CASD1: variants seen among roughly 807,000 people sequenced by gnomAD.
The protein encoded by CASD1 is CAS1 domain sialic acid O acetyltransferase 1.
A neutral mutation model predicts 100.0 loss-of-function variants in CASD1; 41 were observed. The ratio of observed to expected loss-of-function variants is 0.41; its 90% CI spans 0.32 to 0.53. The LOEUF (loss-of-function observed/expected upper bound fraction) is 0.53. CASD1 is among the 20% of genes least tolerant of loss of function. The pLI, the probability that CASD1 is intolerant of heterozygous loss-of-function variation, is 0.25. For synonymous variants in CASD1, 321 were observed against 315.6 expected (o/e 1.02, Z -0.18); for missense variants, 774 against 948.7 (o/e 0.82, Z 2.42).
chr7:94,539,142 T>C (rs1360684639), intron 10 of CASD1, 86 bp downstream of exon 10: 6 of 686,298 alleles, frequency 8.7e-6, no homozygotes, highest in Admixed American at 7.7e-5. Flanking sequence ...TTTTGTGTTT[T>C]ATAATCTCTA....
the CASD1 span, among the ~76,000 whole-genome samples, chr7:94,601,443 C>CAAAAAAAAAAAAAAAAAAAAAAAA: frequency 2.2e-5 from 2 of 89,356 alleles, no homozygotes; most frequent in Non-Finnish European, 4.1e-5. Context: ...ATCCCAGTAT[C>CAAAAAAAAAAAAAAAAAAAAAAAA]AAAAAAAAAA....
downstream of CASD1, chr7:94,557,103 G>A (rs1352887182): frequency 6.6e-6 from 1 of 152,016 alleles, no homozygotes; most frequent in Non-Finnish European, 1.5e-5. Context: ...ATATGTAGGG[G>A]TAGGTTACCA....
the CASD1 span, chr7:94,598,848 T>C: frequency 6.2e-7 from 1 of 1,613,298 alleles, no homozygotes; most frequent in Non-Finnish European, 8.5e-7. Flanking sequence ...ATTTCCCCAG[T>C]CACAGGGTGG....
intron 9 of CASD1, among the ~76,000 whole-genome samples, chr7:94,538,541 A>G (rs768374901): frequency 9.9e-5 from 15 of 152,152 alleles, no homozygotes; most frequent in Non-Finnish European, 1.8e-4. Context: ...GTAAACTGTA[A>G]TAATAGAGCT....
rs1166440377 is a variant in CASD1, at chr7:94,509,984, G to T, written c.-101G>T. 1.6e-6 allele frequency: 2 copies of T among 1,243,126 alleles called. No homozygotes were observed. Among genetic ancestry groups the T allele is most frequent in the African/African-American group, 1.6e-5 (1 of 63,818 alleles). The allele number at this position is 1,243,126 out of a possible 1,614,324, so 77.0% of individuals were successfully genotyped here. ...GCAGGTGGCGGCCTGGGGAGCTGGC[G>T]GCCGCTCCTCGCCTGGCTGCAGCGG... On this transcript the variant is annotated 5_prime_UTR_variant, in exon 1 of 18. Coordinates refer to ENST00000297273, the MANE Select transcript of CASD1 (RefSeq NM_022900.5).
chr7:94,595,229 G>T, the CASD1 span, among the ~76,000 whole-genome samples: 1 of 152,116 alleles, frequency 6.6e-6, no homozygotes, highest in Non-Finnish European at 1.5e-5. Flanking sequence ...ATTGATAATG[G>T]TGGCAGCCAT....
rs113876181 is a variant in CASD1, at chr7:94,513,801, T to C, written c.133+3584T>C. Among the ~76,000 whole-genome samples, 11 of 152,360 alleles carry C rather than the reference T, an allele frequency of 7.2e-5. 1 individual carries two copies. The highest frequency in any genetic ancestry group is 2.6e-4 in the African/African-American group (11 of 41,596). Reference sequence around the variant, plus strand: ...TAGATTTCAAAGTCCTTATTTCCTTTTATGTTCTTTTGTGGCTTTAATTGA... The same window carrying C: ...TAGATTTCAAAGTCCTTATTTCCTTCTATGTTCTTTTGTGGCTTTAATTGA... On this transcript the variant is annotated intron_variant, in intron 1 of 17. Transcript: ENST00000297273.
chr7:94,628,273 T>C, the CASD1 span: 4 of 1,611,640 alleles, frequency 2.5e-6, no homozygotes, highest in East Asian at 2.2e-5. Flanking sequence ...CTATATGGTG[T>C]CCTTTGGATA....
intron 3 of CASD1, among the ~76,000 whole-genome samples, chr7:94,524,620 G>A (rs908552775): frequency 6.6e-6 from 1 of 152,058 alleles, no homozygotes; most frequent in African/African-American, 2.4e-5. Context: ...ATGGCCTATG[G>A]ATCTATGGAA....
the CASD1 span, among the ~76,000 whole-genome samples, chr7:94,586,090 A>G: frequency 6.7e-6 from 1 of 150,264 alleles, no homozygotes; most frequent in Non-Finnish European, 1.5e-5. Flanking sequence ...AAAAAAAACA[A>G]CAACTTCAAG....
At chr7:94,563,674 C>T in the CASD1 span, among the ~76,000 whole-genome samples, 1 of 151,952 alleles carries the variant, frequency 6.6e-6, no homozygotes, top group African/African-American at 2.4e-5. Flanking sequence ...TTTAGCCCCC[C>T]TCCCCCACGC....
chr7:94,533,670 TC>T lies in CASD1; in HGVS notation c.505-8del, dbSNP rs778782759. 2 of 1,586,092 alleles carry T rather than the reference TC, an allele frequency of 1.3e-6. No homozygotes were observed. Among genetic ancestry groups the T allele is most frequent in the South Asian group, 2.3e-5 (2 of 85,688 alleles). ...ACTAAATTAATGCATAATTTGTACT[TC>T]TTTTTAGTGGTCCATCAAGATTCAC... On this transcript the variant is annotated splice_region_variant and splice_polypyrimidine_tract_variant and intron_variant, in intron 6 of 17. Coordinates refer to ENST00000297273, the MANE Select transcript of CASD1 (RefSeq NM_022900.5).
chr7:94,520,499 A>C (rs1053122605), intron 3 of CASD1, among the ~76,000 whole-genome samples: 5 of 152,212 alleles, frequency 3.3e-5, no homozygotes, highest in Non-Finnish European at 7.3e-5. Context: ...GCAGAGCTAG[A>C]TATCGTATCT....
chr7:94,545,642 T>TC lies in CASD1; in HGVS notation c.1575dup (p.Met526HisfsTer50). On this transcript the variant is annotated frameshift_variant, in exon 12 of 18. Coordinates refer to ENST00000297273, the MANE Select transcript of CASD1 (RefSeq NM_022900.5). LOFTEE classifies it high-confidence loss of function. ...TTTGTCCCCTTGGTCACTGTATGGT[T>TC]CATGGTCATATATGTTACTTTAGCA... 2 of 1,611,136 alleles carry TC rather than the reference T, an allele frequency of 1.2e-6. No homozygotes were observed. The highest frequency in any genetic ancestry group is 1.7e-6 in the Non-Finnish European group (2 of 1,177,918).
the CASD1 span, among the ~76,000 whole-genome samples, chr7:94,584,238 A>G: frequency 2.0e-5 from 3 of 152,224 alleles, no homozygotes; most frequent in Admixed American, 2.0e-4. Context: ...GAGCAGTTTG[A>G]TTTCACCTGG....
the CASD1 span, chr7:94,588,410 T>A: frequency 1.6e-5 from 19 of 1,223,540 alleles, no homozygotes; most frequent in Non-Finnish European, 1.6e-5. Flanking sequence ...ATAGGGAACT[T>A]CACTGAAGGA....
Position 94,538,973 on chromosome 7 carries a change from G to A in CASD1, c.1273G>A (p.Val425Ile). The change falls in exon 10 of 18, where the codon GTA becomes ATA. Residue 425 changes from valine (V) to isoleucine (I), a missense_variant. Physicochemically the swap from Val to Ile is conservative, Grantham distance 29 (BLOSUM62 3). Transcript: ENST00000297273. Reference protein sequence around the residue: ...FYNENTKETKVLNREQTDEWK... With the variant: ...FYNENTKETKILNREQTDEWK... Reference sequence around the variant, plus strand: ...TTTTGGTTCCTTTACACAGACTAAAGTATTAAATAGAGAACAAACAGACGA... The same window carrying A: ...TTTTGGTTCCTTTACACAGACTAAAATATTAAATAGAGAACAAACAGACGA... 6.3e-7 allele frequency: 1 copy of A among 1,589,122 alleles called. No individual in the cohort carries two copies. Among genetic ancestry groups the A allele is most frequent in the South Asian group, 1.1e-5 (1 of 89,960 alleles).
chr7:94,517,526 T>G (rs1794039642), intron 1 of CASD1, 34 bp from the exon 2 acceptor site: 1 of 1,349,806 alleles, frequency 7.4e-7, no homozygotes, highest in African/African-American at 1.5e-5. Flanking sequence ...ATTTTAACTA[T>G]TGTTTACAAC....
chr7:94,590,264 CAT>C, the CASD1 span, among the ~76,000 whole-genome samples: 1 of 152,104 alleles, frequency 6.6e-6, no homozygotes, highest in African/African-American at 2.4e-5. Flanking sequence ...AAATTTTTAA[CAT>C]ATTATTTTTA....
Sources: gnomAD v4.1 joint callset for allele counts (sites outside exome capture counted in the v4.1 genomes callset) on GRCh38, gnomAD v4.1.1 for gene constraint, MANE v1.5 for transcripts, NCBI Gene and HGNC (gene_info 2026-07-23, HGNC 2026-07-21) for gene names.